Variants in WWP2 observed in about 807,000 individuals in gnomAD.
The protein encoded by WWP2 is WW domain containing E3 ubiquitin protein ligase 2.
A neutral mutation model predicts 121.0 loss-of-function variants in WWP2; 57 were observed. That is an observed-to-expected ratio of 0.47 (90% confidence interval 0.38 to 0.59). WWP2 has a LOEUF of 0.59. Among genes scored for constraint, WWP2 ranks in the 20% least tolerant of loss-of-function variants. WWP2 has a pLI of 0.00. For missense variants in WWP2, 962 were observed against 1,158.9 expected, an observed-to-expected ratio of 0.83 and a Z score of 2.47; for synonymous variants, 449 against 441.3, an observed-to-expected ratio of 1.02 and a Z score of -0.22.
chr16:69,834,901 T>C (rs1458948568), intron 4 of WWP2, among the ~76,000 whole-genome samples: 1 of 152,122 alleles, frequency 6.6e-6, no homozygotes, highest in Non-Finnish European at 1.5e-5. Context: ...AAATTGCTTA[T>C]TGTCTGTTTC....
intron 9 of WWP2, among the ~76,000 whole-genome samples, chr16:69,913,040 T>G (rs2058424079): frequency 1.1e-5 from 1 of 92,324 alleles, no homozygotes; most frequent in African/African-American, 4.3e-5. Context: ...TTTTTTTTTT[T>G]GAGACAGAAT....
chr16:69,918,757 T>TA (rs955655001), intron 10 of WWP2, among the ~76,000 whole-genome samples: 16 of 152,216 alleles, frequency 1.1e-4, no homozygotes, highest in African/African-American at 3.1e-4. Context: ...CTTCAAACGT[T>TA]ACTGTCATTG....
At chr16:69,938,301 A>C (rs1288460920) in intron 21 of WWP2, among the ~76,000 whole-genome samples, 2 of 152,122 alleles carry the variant, frequency 1.3e-5, no homozygotes, top group African/African-American at 2.4e-5. Context: ...GGCGTGAGCC[A>C]CTGTGCCCAA....
chr16:69,842,530 T>A (rs933323072), intron 6 of WWP2, among the ~76,000 whole-genome samples: 1 of 152,152 alleles, frequency 6.6e-6, no homozygotes, highest in Non-Finnish European at 1.5e-5. Flanking sequence ...ATCTTTGTGT[T>A]CATGTGTACT....
chr16:69,921,297 T>G (rs899417668), intron 10 of WWP2, among the ~76,000 whole-genome samples: 13 of 152,198 alleles, frequency 8.5e-5, no homozygotes, highest in African/African-American at 2.4e-4. Context: ...TATAGTTATT[T>G]TGGGGTTTGG....
At chr16:69,800,079 C>T (rs184436857) in intron 4 of WWP2, among the ~76,000 whole-genome samples, 3 of 152,246 alleles carry the variant, frequency 2.0e-5, no homozygotes, top group Admixed American at 6.5e-5. Flanking sequence ...TGCGTCCCAG[C>T]GAGCGTGTTA....
chr16:69,831,782 T>C (rs1388406532), intron 4 of WWP2, among the ~76,000 whole-genome samples: 1 of 152,068 alleles, frequency 6.6e-6, no homozygotes, highest in African/African-American at 2.4e-5. Flanking sequence ...ATTGTTATAG[T>C]TGCTGTTAGT....
rs114244572 is a variant in WWP2, at chr16:69,889,492, C to T, written c.914+1243C>T. 8.0e-3 allele frequency among the ~76,000 whole-genome samples: 1,222 copies of T among 152,226 alleles called. 18 individuals are homozygous for T. The highest frequency in any genetic ancestry group is 0.027 in the African/African-American group (1,101 of 41,506). ...AATCCCCCCACCATGTGACCTTGGC[C>T]GAATGACTTAGCCTCTTGATAAGGT... On this transcript the variant is annotated intron_variant, in intron 8 of 23. Coordinates refer to ENST00000359154, the MANE Select transcript of WWP2 (RefSeq NM_001270454.2).
chr16:69,932,969 C>G (rs1311717972), intron 16 of WWP2: 9 of 465,926 alleles, frequency 1.9e-5, no homozygotes, highest in South Asian at 1.4e-4. Context: ...GTCCTCTGTT[C>G]GGTGGTGGCG....
chr16:69,899,726 C>CAA (rs35485826), intron 8 of WWP2, among the ~76,000 whole-genome samples: 14,562 of 63,862 alleles, frequency 0.23, 2,784 homozygotes, highest in East Asian at 0.53. Context: ...GACTCCGTCT[C>CAA]AAAAAAAAAA....
rs1416798576 is a variant in WWP2 at position 69,917,806 on chromosome 16, A to C, written c.1102A>C (p.Asn368His). Reference sequence around the variant, plus strand: ...GCGTCCGACCGCGGAGTACGTGCGCAACTATGAGCAGTGGCAGTCGCAGCG... The same window carrying C: ...GCGTCCGACCGCGGAGTACGTGCGCCACTATGAGCAGTGGCAGTCGCAGCG... ...WQRPTAEYVR[N>H]YEQWQSQRNQ... is the part of the protein sequence containing the mutation. The change falls in exon 10 of 24, where the codon AAC (asparagine) becomes CAC (histidine). Residue 368 changes from asparagine to histidine, a missense_variant. Asn to His is a moderately conservative substitution (Grantham distance 68). This residue lies in a region of WWP2 where 606 missense variants were observed against 772.6 expected (regional missense o/e 0.78). Coordinates refer to ENST00000359154, the MANE Select transcript of WWP2 (RefSeq NM_001270454.2). 6.2e-7 allele frequency: 1 copy of C among 1,613,990 alleles called. No individual in the cohort carries two copies. The highest frequency in any genetic ancestry group is 1.1e-5 in the South Asian group (1 of 91,088).
intron 5 of WWP2, among the ~76,000 whole-genome samples, chr16:69,841,491 G>A (rs1233113305): frequency 3.9e-5 from 6 of 152,090 alleles, no homozygotes; most frequent in Admixed American, 3.9e-4. Context: ...AGAGAGAATG[G>A]AGGAGGTGAG....
intron 1 of WWP2, among the ~76,000 whole-genome samples, chr16:69,784,087 CTTTCTTTTT>C (rs2055726535): frequency 4.8e-5 from 5 of 103,694 alleles, no homozygotes; most frequent in African/African-American, 6.1e-5. Flanking sequence ...TTCTTTCTTT[CTTTCTTTTT>C]TTTTTTTTTT....
At chr16:69,933,743 T>C (rs911988578) in intron 16 of WWP2, among the ~76,000 whole-genome samples, 1 of 152,094 alleles carries the variant, frequency 6.6e-6, no homozygotes, top group African/African-American at 2.4e-5. Flanking sequence ...TTCCCAAATA[T>C]CATCCTCAAA....
intron 9 of WWP2, 127 bp from the exon 10 acceptor site, chr16:69,917,582 T>G: frequency 9.3e-7 from 1 of 1,078,672 alleles, no homozygotes; most frequent in Non-Finnish European, 1.3e-6. Flanking sequence ...TCTGCTATAA[T>G]CAGCTAAGCC....
intron 1 of WWP2, among the ~76,000 whole-genome samples, chr16:69,768,770 G>A (rs555052371): frequency 1.4e-3 from 211 of 152,154 alleles, no homozygotes; most frequent in Non-Finnish European, 2.5e-3. Flanking sequence ...GTAATTCCAC[G>A]GGGCTTCCAA....
At chr16:69,785,550 A>T (rs984362232) in intron 1 of WWP2, among the ~76,000 whole-genome samples, 1 of 152,200 alleles carries the variant, frequency 6.6e-6, no homozygotes, top group Non-Finnish European at 1.5e-5. Flanking sequence ...TAAAAGATCC[A>T]TTCAAAGTAC....
At chr16:69,784,171 C>T (rs562959406) in intron 1 of WWP2, among the ~76,000 whole-genome samples, 6 of 141,342 alleles carry the variant, frequency 4.2e-5, no homozygotes, top group Admixed American at 7.7e-5. Context: ...ATGATCTCGG[C>T]GCACTGCAAC....
At chr16:69,879,844 C>A (rs1486006391) in intron 7 of WWP2, among the ~76,000 whole-genome samples, 2 of 152,140 alleles carry the variant, frequency 1.3e-5, no homozygotes, top group African/African-American at 2.4e-5. Flanking sequence ...TTTCCCATAT[C>A]ACTGTTTTGC....
Sources: allele counts gnomAD v4.1 joint callset (sites outside exome capture counted in the v4.1 genomes callset), GRCh38; gene constraint gnomAD v4.1.1; regional missense constraint gnomAD v4.1.1; transcripts MANE v1.5; gene names NCBI Gene and HGNC (gene_info 2026-07-23, HGNC 2026-07-21).